Variants in ATRNL1 observed in about 807,000 individuals in gnomAD.
ATRNL1 encodes the protein attractin like 1, also known as attractin-like protein 1.
A neutral mutation model predicts 182.7 loss-of-function variants in ATRNL1; 95 were observed. The observed-to-expected ratio is 0.52, with a 90% CI of 0.44 to 0.62. The LOEUF (loss-of-function observed/expected upper bound fraction) is 0.62, where lower values mean the gene tolerates loss of function less well. Among genes scored for constraint, ATRNL1 ranks in the 20% least tolerant of loss-of-function variants. The probability of loss-of-function intolerance (pLI) is 0.00; values close to 1 mark genes in which losing one functional copy is unlikely to be tolerated. For missense variants in ATRNL1, 1,471 were observed against 1,679.5 expected (o/e 0.88, Z 2.17); for synonymous variants, 576 against 568.3 (o/e 1.01, Z -0.19).
At chr10:115,483,525 T>C (rs1848870053) in intron 24 of ATRNL1, among the ~76,000 whole-genome samples, 1 of 151,610 alleles carries the variant, frequency 6.6e-6, no homozygotes, top group Admixed American at 6.6e-5. Context: ...CAAATATATT[T>C]AATATAATTT....
chr10:115,882,325 C>T (rs539198450), intron 28 of ATRNL1, among the ~76,000 whole-genome samples: 5 of 152,274 alleles, frequency 3.3e-5, no homozygotes, highest in East Asian at 1.9e-4. Flanking sequence ...CAGGTCTGCC[C>T]CACTGAGGGC....
intron 26 of ATRNL1, among the ~76,000 whole-genome samples, chr10:115,600,062 A>T (rs1035257646): frequency 2.0e-5 from 3 of 152,006 alleles, no homozygotes; most frequent in Non-Finnish European, 2.9e-5. Flanking sequence ...CCAGAGTTTC[A>T]TTTAAATAGA....
intron 26 of ATRNL1, among the ~76,000 whole-genome samples, chr10:115,682,983 T>C (rs2133953968): frequency 6.6e-6 from 1 of 152,082 alleles, no homozygotes; most frequent in Admixed American, 6.6e-5. Context: ...TCTCAGAGAG[T>C]CGAGTTCATC....
chr10:115,674,180 C>T (rs1012921836), intron 26 of ATRNL1, among the ~76,000 whole-genome samples: 1 of 151,902 alleles, frequency 6.6e-6, no homozygotes, highest in East Asian at 1.9e-4. Context: ...TTTTAGGCCC[C>T]TTGCAGTTAT....
At chr10:115,225,280 C>A (rs1554898392) in intron 9 of ATRNL1, among the ~76,000 whole-genome samples, 2 of 151,408 alleles carry the variant, frequency 1.3e-5, no homozygotes, top group Non-Finnish European at 1.5e-5. Flanking sequence ...TATGATAAAA[C>A]CTCTGGTGAA....
At chr10:115,274,068 A>C (rs1851993576) in intron 13 of ATRNL1, among the ~76,000 whole-genome samples, 1 of 152,170 alleles carries the variant, frequency 6.6e-6, no homozygotes, top group African/African-American at 2.4e-5. Context: ...TCTGCAGAGG[A>C]TGGTGATGTT....
At chr10:115,205,186 T>C (rs950886932) in intron 8 of ATRNL1, among the ~76,000 whole-genome samples, 2 of 152,038 alleles carry the variant, frequency 1.3e-5, no homozygotes, top group Admixed American at 6.6e-5. Context: ...ACACCACCAT[T>C]ACAGTATTAG....
chr10:115,266,149 A>C (rs1363644981), intron 11 of ATRNL1, among the ~76,000 whole-genome samples: 2 of 151,918 alleles, frequency 1.3e-5, no homozygotes, highest in East Asian at 3.9e-4. Flanking sequence ...TTATTATGTT[A>C]ATAATATTTT....
At chr10:115,903,319 C>T (rs970043607) in intron 28 of ATRNL1, among the ~76,000 whole-genome samples, 1 of 152,148 alleles carries the variant, frequency 6.6e-6, no homozygotes, top group Admixed American at 6.5e-5. Flanking sequence ...TCCGTGGTAT[C>T]TTGCCACTGC....
At chr10:115,585,006 A>G (rs1363714903) in intron 26 of ATRNL1, among the ~76,000 whole-genome samples, 2 of 143,264 alleles carry the variant, frequency 1.4e-5, no homozygotes, top group African/African-American at 5.2e-5. Flanking sequence ...TTCGTTATGT[A>G]CCCAGTAGTC....
chr10:115,293,319 A>G (rs1853012005), intron 15 of ATRNL1, among the ~76,000 whole-genome samples: 1 of 152,064 alleles, frequency 6.6e-6, no homozygotes, highest in Admixed American at 6.6e-5. Context: ...GACAGTCTAT[A>G]TCTCTTAAGT....
chr10:115,210,658 TCTTTA>T (rs1273951291), intron 8 of ATRNL1, among the ~76,000 whole-genome samples: 1 of 152,042 alleles, frequency 6.6e-6, no homozygotes, highest in African/African-American at 2.4e-5. Flanking sequence ...CCTCTTTTTC[TCTTTA>T]CTTGCTTCCT....
chr10:115,787,113 A>G (rs939575652), intron 27 of ATRNL1, among the ~76,000 whole-genome samples: 1 of 152,218 alleles, frequency 6.6e-6, no homozygotes, highest in African/African-American at 2.4e-5. Context: ...ATGGTTACCT[A>G]GCCTGGGATT....
chr10:115,705,717 C>T (rs1195663923), intron 26 of ATRNL1, among the ~76,000 whole-genome samples: 4 of 151,866 alleles, frequency 2.6e-5, no homozygotes, highest in Non-Finnish European at 4.4e-5. Flanking sequence ...ATTACTGTCT[C>T]CCAAAGATTT....
At chr10:115,857,403 C>T (rs1555102395) in intron 28 of ATRNL1, among the ~76,000 whole-genome samples, 2 of 152,204 alleles carry the variant, frequency 1.3e-5, no homozygotes, top group Non-Finnish European at 2.9e-5. Context: ...TATTAAGTAA[C>T]TTGCCTACAG....
chr10:115,730,633 G>T (rs1431540843), intron 27 of ATRNL1, among the ~76,000 whole-genome samples: 2 of 151,942 alleles, frequency 1.3e-5, no homozygotes, highest in Admixed American at 1.3e-4. Flanking sequence ...TGCTAGATCG[G>T]CAGTTGAGGC....
At chr10:115,155,163 C>T (rs1554881747) in intron 5 of ATRNL1, among the ~76,000 whole-genome samples, 1 of 150,920 alleles carries the variant, frequency 6.6e-6, no homozygotes, top group Non-Finnish European at 1.5e-5. Flanking sequence ...TTTTTCTATC[C>T]CTTTATTTTC....
chr10:115,385,708 T>C (rs979529849), intron 19 of ATRNL1, among the ~76,000 whole-genome samples: 8 of 152,198 alleles, frequency 5.3e-5, no homozygotes, highest in African/African-American at 1.9e-4. Context: ...TACATGGAAA[T>C]TTGTGATTAA....
At chr10:115,893,500 C>T (rs1346948387) in intron 28 of ATRNL1, among the ~76,000 whole-genome samples, 15 of 152,064 alleles carry the variant, frequency 9.9e-5, no homozygotes, top group South Asian at 2.1e-4. Context: ...AGATTTTGGG[C>T]GAATAAAGTT....
Sources: gnomAD v4.1 joint callset for allele counts (sites outside exome capture counted in the v4.1 genomes callset) on GRCh38, gnomAD v4.1.1 for gene constraint, MANE v1.5 for transcripts, NCBI Gene and HGNC (gene_info 2026-07-23, HGNC 2026-07-21) for gene names.